Variants in TANK observed in about 807,000 individuals in gnomAD.
The protein encoded by TANK is TRAF family member associated NFKB activator, also known as TRAF family member-associated NF-kappa-B activator.
Under a neutral mutation model 43.6 loss-of-function variants are expected in TANK, and 15 were observed. That is an observed-to-expected ratio of 0.34 (90% CI 0.23 to 0.53). The LOEUF is 0.53. Ranked by LOEUF, TANK falls within the 20% of genes least tolerant of loss-of-function variation. The pLI is 0.94. For missense variants in TANK, 417 were observed against 498.6 expected (o/e 0.84, Z 1.56); for synonymous variants, 162 against 178.2 (o/e 0.91, Z 0.73).
At chr2:161,229,172 C>T (rs1372742413) in intron 6 of TANK, among the ~76,000 whole-genome samples, 2 of 152,234 alleles carry the variant, frequency 1.3e-5, no homozygotes, top group African/African-American at 4.8e-5. Flanking sequence ...GGGGACACTT[C>T]AGGCAGTCTG....
intron 1 of TANK, among the ~76,000 whole-genome samples, chr2:161,167,708 C>A (rs1223188566): frequency 6.6e-6 from 1 of 152,040 alleles, no homozygotes; most frequent in African/African-American, 2.4e-5. Context: ...CTGCAAGCTC[C>A]GCTTCCTGGG....
chr2:161,171,698 T>C (rs1379285227), intron 1 of TANK, among the ~76,000 whole-genome samples: 1 of 152,184 alleles, frequency 6.6e-6, no homozygotes, highest in South Asian at 2.1e-4. Context: ...TCTTTTTTCA[T>C]AGAAGAGCTC....
chr2:161,184,075 A>T (rs567776581), intron 2 of TANK, among the ~76,000 whole-genome samples: 269 of 152,044 alleles, frequency 1.8e-3, no homozygotes, highest in African/African-American at 6.2e-3. Context: ...ACTATATATT[A>T]AAAAAAACTC....
chr2:161,180,478 A>G (rs1436617266), intron 2 of TANK, among the ~76,000 whole-genome samples: 4 of 152,192 alleles, frequency 2.6e-5, no homozygotes, highest in Non-Finnish European at 4.4e-5. Flanking sequence ...TAAACTTCTC[A>G]TAATGCTACA....
chr2:161,189,573 C>CA (rs1685819975), intron 2 of TANK, among the ~76,000 whole-genome samples: 1 of 151,994 alleles, frequency 6.6e-6, no homozygotes, highest in Non-Finnish European at 1.5e-5. Context: ...TAAAAGCCAT[C>CA]AAATTGGATA....
In TANK at chr2:161,202,690, A is replaced by C. The variant is rs1201418201; in HGVS notation, c.100-797A>C. On this transcript the variant is annotated intron_variant, in intron 2 of 7. Coordinates refer to ENST00000392749, the MANE Select transcript of TANK (RefSeq NM_001199135.3). ...TTAGTCATTATTTATTTATCCCTCC[A>C]GGGATAGAAATTGGTTAAAAAAAGA... Among the ~76,000 whole-genome samples, 12 of 152,126 alleles carry C rather than the reference A, an allele frequency of 7.9e-5. No homozygotes were observed. The East Asian group carries it at 2.3e-3, about 29-fold the overall frequency.
At chr2:161,154,903 C>T (rs1684183317) in intron 1 of TANK, among the ~76,000 whole-genome samples, 1 of 151,980 alleles carries the variant, frequency 6.6e-6, no homozygotes. Context: ...TACCACAACA[C>T]CTGGCTAATT....
chr2:161,138,662 C>T (rs1347081557), intron 1 of TANK, among the ~76,000 whole-genome samples: 1 of 152,150 alleles, frequency 6.6e-6, no homozygotes, highest in Non-Finnish European at 1.5e-5. Context: ...GTCTAACCTG[C>T]CTTCAGGTTC....
intron 1 of TANK, among the ~76,000 whole-genome samples, chr2:161,146,348 C>T (rs1165019164): frequency 1.3e-5 from 2 of 152,182 alleles, no homozygotes; most frequent in African/African-American, 4.8e-5. Flanking sequence ...ATCCTCCATT[C>T]AGTTCTGCAT....
At chr2:161,222,543 C>G (rs72996908) in intron 4 of TANK, among the ~76,000 whole-genome samples, 6,245 of 152,158 alleles carry the variant, frequency 0.041, 158 homozygotes, top group Non-Finnish European at 0.056. Flanking sequence ...CTAGTCCACA[C>G]TAAAATCCAT....
intron 4 of TANK, among the ~76,000 whole-genome samples, chr2:161,211,411 C>G (rs1686881466): frequency 6.6e-6 from 1 of 152,182 alleles, no homozygotes; most frequent in African/African-American, 2.4e-5. Context: ...CCTTAATCCA[C>G]ATTTGTTTGT....
chr2:161,167,107 C>A (rs1457802058), intron 1 of TANK, among the ~76,000 whole-genome samples: 2 of 152,228 alleles, frequency 1.3e-5, no homozygotes, highest in Admixed American at 1.3e-4. Flanking sequence ...GGAAACCCAG[C>A]AGAGGGGCCT....
intron 1 of TANK, chr2:161,139,849 T>TA: frequency 1.0e-6 from 1 of 985,442 alleles, no homozygotes; most frequent in African/African-American, 1.7e-5. Flanking sequence ...GCCTTCTTCC[T>TA]ATTATGACAG....
rs144526006 is a variant in TANK at position 161,145,133 on chromosome 2, C to CTTTTTTTTTTTTTTT, written c.-50+8083_-50+8097dup. ...TAGGAGACTAGGACTGCAACCCCTGCTTTTTTTTTTTTTTTTTTTTTTTTT... is the reference window on the plus strand; with the variant it reads ...TAGGAGACTAGGACTGCAACCCCTGCTTTTTTTTTTTTTTTTTTTTTTTTTTTTTTTTTTTTTTTT... On this transcript the variant is annotated intron_variant, in intron 1 of 7. Coordinates refer to the TANK transcript ENST00000259075. 6.1e-5 allele frequency among the ~76,000 whole-genome samples: 2 copies of CTTTTTTTTTTTTTTT among 32,830 alleles called. 1 individual carries two copies. Among genetic ancestry groups the CTTTTTTTTTTTTTTT allele is most frequent in the African/African-American group, 2.6e-4 (2 of 7,570 alleles). 21.5% of individuals were successfully genotyped at this position (32,830 alleles called of 152,430 possible).
intron 1 of TANK, among the ~76,000 whole-genome samples, chr2:161,171,548 A>G (rs1684939695): frequency 6.6e-6 from 1 of 152,294 alleles, no homozygotes; most frequent in East Asian, 1.9e-4. Context: ...AAGCTTTATA[A>G]TTATGTAGGT....
intron 1 of TANK, among the ~76,000 whole-genome samples, chr2:161,143,148 C>A (rs2105213921): frequency 6.6e-6 from 1 of 152,156 alleles, no homozygotes. Context: ...TATAGGAATG[C>A]TTGTGATTTT....
chr2:161,178,648 A>C (rs1685280834), intron 1 of TANK, among the ~76,000 whole-genome samples: 1 of 152,156 alleles, frequency 6.6e-6, no homozygotes. Context: ...AAAATAGTGG[A>C]TTTTATACTA....
chr2:161,191,207 T>A (rs1029863372), intron 2 of TANK, among the ~76,000 whole-genome samples: 3 of 152,178 alleles, frequency 2.0e-5, no homozygotes, highest in Admixed American at 2.0e-4. Flanking sequence ...TCCAAATTGA[T>A]AAGGGAGGTA....
intron 1 of TANK, among the ~76,000 whole-genome samples, chr2:161,142,930 A>C (rs1413451234): frequency 6.6e-6 from 1 of 152,132 alleles, no homozygotes; most frequent in East Asian, 1.9e-4. Context: ...GGCCATTTTC[A>C]TGATGTTGAT....
Sources: allele counts gnomAD v4.1 joint callset (sites outside exome capture counted in the v4.1 genomes callset), GRCh38; gene constraint gnomAD v4.1.1; transcripts MANE v1.5; gene names NCBI Gene and HGNC (gene_info 2026-07-23, HGNC 2026-07-21).